The following PXDNL variants were observed in gnomAD, a reference collection of about 807,000 sequenced individuals.
The protein encoded by PXDNL is probable oxidoreductase PXDNL.
A neutral mutation model predicts 150.8 loss-of-function variants in PXDNL; 145 were observed. That is an observed-to-expected ratio of 0.96 (90% confidence interval 0.84 to 1.10). The LOEUF is 1.10. Ranked by LOEUF, PXDNL falls within the 50% of genes least tolerant of loss-of-function variation. PXDNL has a pLI of 0.00. For synonymous variants in PXDNL, 757 were observed against 725.7 expected (o/e 1.04, Z -0.69); for missense variants, 2,087 against 1,873.9 (o/e 1.11, Z -2.10).
chr8:51,390,497 CA>C (rs1425905453), intron 17 of PXDNL, among the ~76,000 whole-genome samples: 1 of 152,160 alleles, frequency 6.6e-6, no homozygotes, highest in African/African-American at 2.4e-5. Context: ...GAAATAAGTA[CA>C]AATATTAATT....
chr8:51,441,009 C>T (rs752499888), intron 12 of PXDNL, among the ~76,000 whole-genome samples: 4 of 152,176 alleles, frequency 2.6e-5, no homozygotes, highest in Admixed American at 1.3e-4. Flanking sequence ...GGTTCTGTGT[C>T]CCCACCCACA....
At chr8:51,552,555 A>G (rs1204479602) in intron 4 of PXDNL, among the ~76,000 whole-genome samples, 1 of 152,204 alleles carries the variant, frequency 6.6e-6, no homozygotes, top group Non-Finnish European at 1.5e-5. Flanking sequence ...ACTGGAGACC[A>G]TTATTCTAAG....
In PXDNL at chr8:51,779,236, T is replaced by A. The variant is rs545742909; in HGVS notation, c.164+29945A>T. Among the ~76,000 whole-genome samples, 35 of 152,290 alleles carry A rather than the reference T, an allele frequency of 2.3e-4. No individual in the cohort carries two copies. The South Asian group carries it at 6.6e-3, about 29-fold the overall frequency. ...GATTAAAACATGCCCTCCTCCCCTATGCACCTCATCAACCAGTTTCCAAGT... is the reference window on the plus strand; with the variant it reads ...GATTAAAACATGCCCTCCTCCCCTAAGCACCTCATCAACCAGTTTCCAAGT... On this transcript the variant is annotated intron_variant, in intron 1 of 22. Transcript: ENST00000356297.
chr8:51,510,237 T>C (rs914385649), intron 4 of PXDNL, among the ~76,000 whole-genome samples: 16 of 152,148 alleles, frequency 1.1e-4, no homozygotes, highest in African/African-American at 3.4e-4. Flanking sequence ...TGCTAGACCA[T>C]GGTCAAGTTT....
Position 51,688,638 on chromosome 8 carries a change from C to G in PXDNL, c.165-33878G>C, listed in dbSNP as rs143464222. 2.7e-3 allele frequency among the ~76,000 whole-genome samples: 405 copies of G among 152,220 alleles called. 2 individuals are homozygous for G. Among genetic ancestry groups the G allele is most frequent in the African/African-American group, 9.5e-3 (396 of 41,532 alleles). ...ATTTAATTTTTATTAGCCCCTCTAT[C>G]CTAACCTCTAATGCTTGCAGTTCCC... On this transcript the variant is annotated intron_variant, in intron 1 of 22. Coordinates refer to ENST00000356297, the MANE Select transcript of PXDNL (RefSeq NM_144651.5).
intron 1 of PXDNL, among the ~76,000 whole-genome samples, chr8:51,719,555 G>T (rs1302967980): frequency 6.6e-6 from 1 of 150,944 alleles, no homozygotes; most frequent in Non-Finnish European, 1.5e-5. Context: ...TTGTTCACTT[G>T]TTTATCTGCT....
In PXDNL at chr8:51,763,418, A is replaced by G. The variant is rs147893438; in HGVS notation, c.164+45763T>C. On this transcript the variant is annotated intron_variant, in intron 1 of 22. Transcript: ENST00000356297. ...CCCAGGCAAGCAAGCGCCAGACTCC[A>G]GTAAACACACTGTGCATGCTCACCT... 2.6e-3 allele frequency among the ~76,000 whole-genome samples: 390 copies of G among 152,128 alleles called. 2 individuals are homozygous for G. Among genetic ancestry groups the G allele is most frequent in the Non-Finnish European group, 4.2e-3 (286 of 68,002 alleles).
At chr8:51,419,191 G>T (rs1050675433) in intron 14 of PXDNL, among the ~76,000 whole-genome samples, 8 of 152,220 alleles carry the variant, frequency 5.3e-5, no homozygotes, top group African/African-American at 1.9e-4. Flanking sequence ...AGGAATTTCA[G>T]AGGAGATAAC....
At chr8:51,556,163 T>C (rs1281179737) in intron 4 of PXDNL, among the ~76,000 whole-genome samples, 1 of 151,982 alleles carries the variant, frequency 6.6e-6, no homozygotes, top group Non-Finnish European at 1.5e-5. Flanking sequence ...TCCCAGCTAC[T>C]TGGGGGGCTG....
chr8:51,739,503 G>C (rs1194980808), intron 1 of PXDNL, among the ~76,000 whole-genome samples: 1 of 152,098 alleles, frequency 6.6e-6, no homozygotes, highest in Non-Finnish European at 1.5e-5. Context: ...AAATCACAAA[G>C]ATTACAAAGG....
chr8:51,555,972 G>GCCTCAAAAA, intron 4 of PXDNL, among the ~76,000 whole-genome samples: 1 of 152,184 alleles, frequency 6.6e-6, no homozygotes, highest in East Asian at 1.9e-4. Context: ...AGTTTGAGTT[G>GCCTCAAAAA]TAATAATAAT....
At chr8:51,582,943 G>A (rs1374886381) in intron 3 of PXDNL, among the ~76,000 whole-genome samples, 1 of 152,172 alleles carries the variant, frequency 6.6e-6, no homozygotes, top group African/African-American at 2.4e-5. Context: ...GAATAGGATA[G>A]TTACATTGAA....
intron 2 of PXDNL, among the ~76,000 whole-genome samples, chr8:51,651,553 A>G (rs111515366): frequency 1.3e-5 from 2 of 152,268 alleles, no homozygotes; most frequent in Admixed American, 6.5e-5. Flanking sequence ...TTGCTTTTCA[A>G]TTAGGCCTTC....
At chr8:51,614,894 T>C (rs1563484333) in intron 2 of PXDNL, among the ~76,000 whole-genome samples, 1 of 152,180 alleles carries the variant, frequency 6.6e-6, no homozygotes, top group East Asian at 1.9e-4. Context: ...AAGTACAAGA[T>C]GATAGAAGTA....
chr8:51,478,076 A>G (rs1810522082), intron 6 of PXDNL, among the ~76,000 whole-genome samples: 1 of 152,148 alleles, frequency 6.6e-6, no homozygotes, highest in Non-Finnish European at 1.5e-5. Context: ...TAATCTTTAT[A>G]AATAATTTTC....
chr8:51,708,593 A>T (rs1816431801), intron 1 of PXDNL, among the ~76,000 whole-genome samples: 1 of 152,224 alleles, frequency 6.6e-6, no homozygotes, highest in South Asian at 2.1e-4. Context: ...AAAAGAACAC[A>T]GATATAAAAA....
intron 1 of PXDNL, among the ~76,000 whole-genome samples, chr8:51,686,682 G>A: frequency 6.6e-6 from 1 of 152,082 alleles, no homozygotes; most frequent in East Asian, 1.9e-4. Context: ...TTTCCAAATA[G>A]ATAAGAAGTT....
chr8:51,320,904 G>T lies in PXDNL; in HGVS notation c.4147-7C>A. 6.2e-7 allele frequency: 1 copy of T among 1,601,922 alleles called. No homozygotes were observed. ...GTGCCTCCAGCTTGTTTATCTGAAA[G>T]GGGAGGCAAAGGAAAGAAGAGTGGA... On this transcript the variant is annotated splice_polypyrimidine_tract_variant and splice_region_variant and intron_variant, in intron 21 of 22. Transcript: ENST00000356297.
chr8:51,615,027 A>C (rs1156990542), intron 2 of PXDNL, among the ~76,000 whole-genome samples: 1 of 152,230 alleles, frequency 6.6e-6, no homozygotes, highest in African/African-American at 2.4e-5. Context: ...GTTTAATATT[A>C]TATTATGTTC....
Sources: gnomAD v4.1 joint callset for allele counts (sites outside exome capture counted in the v4.1 genomes callset) on GRCh38, gnomAD v4.1.1 for gene constraint, MANE v1.5 for transcripts, NCBI Gene and HGNC (gene_info 2026-07-23, HGNC 2026-07-21) for gene names.